GPC5: variants seen among roughly 807,000 people sequenced by gnomAD.
GPC5 encodes glypican 5, also known as glypican-5.
A neutral mutation model predicts 53.9 loss-of-function variants in GPC5; 47 were observed. That is an observed-to-expected ratio of 0.87 (90% CI 0.69 to 1.11). GPC5 has a LOEUF of 1.11. Among genes scored for constraint, GPC5 ranks in the 50% most tolerant of loss-of-function variants. The probability of loss-of-function intolerance (pLI) is 0.00; values close to 1 mark genes in which losing one functional copy is unlikely to be tolerated. For synonymous variants in GPC5, 286 were observed against 263.3 expected (o/e 1.09, Z -0.84); for missense variants, 748 against 713.1 (o/e 1.05, Z -0.56).
chr13:91,921,354 A>G (rs951871793), intron 6 of GPC5, among the ~76,000 whole-genome samples: 11 of 152,192 alleles, frequency 7.2e-5, no homozygotes, highest in Non-Finnish European at 1.2e-4. Context: ...GGGAAAAAGG[A>G]TGACTGTGAG....
chr13:92,663,833 C>CTATA (rs1160975918), intron 7 of GPC5, among the ~76,000 whole-genome samples: 1 of 124,138 alleles, frequency 8.1e-6, no homozygotes, highest in East Asian at 2.7e-4. Context: ...TATACACACA[C>CTATA]TATATATATA....
intron 7 of GPC5, among the ~76,000 whole-genome samples, chr13:92,616,468 T>C (rs1356400239): frequency 1.3e-5 from 2 of 152,172 alleles, no homozygotes; most frequent in African/African-American, 4.8e-5. Context: ...CTGGTAAATG[T>C]GAAACAGATT....
chr13:91,502,373 T>A (rs971471988), intron 2 of GPC5, among the ~76,000 whole-genome samples: 15 of 134,946 alleles, frequency 1.1e-4, no homozygotes, highest in Non-Finnish European at 1.8e-4. Flanking sequence ...GTTTTTATGG[T>A]TTTAGGTCTA....
intron 6 of GPC5, among the ~76,000 whole-genome samples, chr13:92,022,147 G>T (rs567497416): frequency 1.3e-5 from 2 of 151,930 alleles, no homozygotes; most frequent in African/African-American, 4.8e-5. Flanking sequence ...TTATAGGCAC[G>T]TGCTACCACA....
At chr13:92,564,949 G>A (rs367998620) in intron 7 of GPC5, among the ~76,000 whole-genome samples, 3 of 151,980 alleles carry the variant, frequency 2.0e-5, no homozygotes, top group African/African-American at 7.2e-5. Flanking sequence ...CTTTACAATT[G>A]GCAAATCAAA....
At chr13:92,692,656 T>C (rs908885593) in intron 7 of GPC5, among the ~76,000 whole-genome samples, 1 of 150,432 alleles carries the variant, frequency 6.6e-6, no homozygotes, top group African/African-American at 2.5e-5. Flanking sequence ...ATTGTGCACA[T>C]GTACCCTAAA....
intron 5 of GPC5, among the ~76,000 whole-genome samples, chr13:91,759,993 G>A (rs1566666110): frequency 6.6e-6 from 1 of 152,104 alleles, no homozygotes; most frequent in Non-Finnish European, 1.5e-5. Flanking sequence ...TTAGGACAAA[G>A]TACTAGGGGG....
intron 2 of GPC5, among the ~76,000 whole-genome samples, chr13:91,500,731 G>A (rs1240339649): frequency 6.6e-6 from 1 of 152,072 alleles, no homozygotes; most frequent in Non-Finnish European, 1.5e-5. Context: ...ACAGATTTTT[G>A]TCTCGATACT....
intron 7 of GPC5, among the ~76,000 whole-genome samples, chr13:92,831,994 T>C (rs776479145): frequency 6.6e-6 from 1 of 152,314 alleles, no homozygotes; most frequent in Non-Finnish European, 1.5e-5. Flanking sequence ...CAATCATATA[T>C]GTTCTTTACT....
At chr13:92,637,806 A>G (rs1885457211) in intron 7 of GPC5, among the ~76,000 whole-genome samples, 1 of 152,210 alleles carries the variant, frequency 6.6e-6, no homozygotes, top group Admixed American at 6.5e-5. Context: ...CAGACTCACA[A>G]TGACACGTTG....
chr13:91,420,051 A>G (rs1878502873), intron 1 of GPC5, among the ~76,000 whole-genome samples: 1 of 152,116 alleles, frequency 6.6e-6, no homozygotes, highest in Admixed American at 6.6e-5. Flanking sequence ...GATCCTGGGG[A>G]GCTGCAGGGA....
chr13:91,844,767 C>T (rs2038829376), intron 5 of GPC5, among the ~76,000 whole-genome samples: 1 of 151,928 alleles, frequency 6.6e-6, no homozygotes, highest in Non-Finnish European at 1.5e-5. Flanking sequence ...ACTCTGTCAC[C>T]CTGGCTGGAG....
Position 91,565,450 on chromosome 13 carries a change from C to T in GPC5, c.325+116528C>T, listed in dbSNP as rs530820668. Among the ~76,000 whole-genome samples, 15 of 152,102 alleles carry T rather than the reference C, an allele frequency of 9.9e-5. 1 individual carries two copies. Among genetic ancestry groups the T allele is most frequent in the Non-Finnish European group, 1.6e-4 (11 of 68,024 alleles). ...CGATGTACAGTTGTTAGGCAGACATCGGATAATATTTGCTTAACTTATTGG... is the reference window on the plus strand; with the variant it reads ...CGATGTACAGTTGTTAGGCAGACATTGGATAATATTTGCTTAACTTATTGG... On this transcript the variant is annotated intron_variant, in intron 2 of 7. Coordinates refer to ENST00000377067, the MANE Select transcript of GPC5 (RefSeq NM_004466.6).
At chr13:91,739,460 T>C (rs1056906329) in intron 4 of GPC5, among the ~76,000 whole-genome samples, 1 of 151,492 alleles carries the variant, frequency 6.6e-6, no homozygotes, top group African/African-American at 2.5e-5. Context: ...TCCTATTTTC[T>C]GTTAGGAATT....
At chr13:92,637,082 C>T (rs897355977) in intron 7 of GPC5, among the ~76,000 whole-genome samples, 2 of 152,126 alleles carry the variant, frequency 1.3e-5, no homozygotes, top group African/African-American at 4.8e-5. Context: ...CACTGTACTG[C>T]CTTGGTTACG....
chr13:92,097,634 C>T (rs1383642421), intron 6 of GPC5, among the ~76,000 whole-genome samples: 1 of 152,014 alleles, frequency 6.6e-6, no homozygotes, highest in East Asian at 1.9e-4. Context: ...TGGAGAGAAG[C>T]GAGAAGCCCA....
At chr13:92,123,945 T>C (rs915712825) in intron 6 of GPC5, among the ~76,000 whole-genome samples, 2 of 152,144 alleles carry the variant, frequency 1.3e-5, no homozygotes, top group Non-Finnish European at 2.9e-5. Context: ...ATGAATAGCA[T>C]TGAGTTTGCA....
At chr13:91,503,781 A>ATAATG (rs1884781853) in intron 2 of GPC5, among the ~76,000 whole-genome samples, 1 of 2,660 alleles carries the variant, frequency 3.8e-4, no homozygotes, top group African/African-American at 4.4e-4. Context: ...TCTGTCTCAA[A>ATAATG]ATAATAATAA....
intron 7 of GPC5, among the ~76,000 whole-genome samples, chr13:92,175,348 T>C (rs1262860501): frequency 6.6e-6 from 1 of 152,222 alleles, no homozygotes; most frequent in African/African-American, 2.4e-5. Flanking sequence ...TAAAAGCATC[T>C]AAATAGGGCT....
Sources: gnomAD v4.1 joint callset for allele counts (sites outside exome capture counted in the v4.1 genomes callset) on GRCh38, gnomAD v4.1.1 for gene constraint, MANE v1.5 for transcripts, NCBI Gene and HGNC (gene_info 2026-07-23, HGNC 2026-07-21) for gene names.